Variants in STK3 observed in about 807,000 individuals in gnomAD.
The protein encoded by STK3 is serine/threonine kinase 3.
Under a neutral mutation model 58.0 loss-of-function variants are expected in STK3, and 41 were observed. The ratio of observed to expected loss-of-function variants is 0.71; its 90% CI spans 0.55 to 0.92. The LOEUF (loss-of-function observed/expected upper bound fraction) is 0.92, where lower values mean the gene tolerates loss of function less well. Among genes scored for constraint, STK3 ranks in the 40% least tolerant of loss-of-function variants. The pLI is 0.00. For synonymous variants in STK3, 170 were observed against 191.0 expected, an observed-to-expected ratio of 0.89 and a Z score of 0.91; for missense variants, 479 against 602.7, an observed-to-expected ratio of 0.79 and a Z score of 2.15.
At chr8:98,633,513 CT>C in intron 6 of STK3, 1 of 682,020 alleles carries the variant, frequency 1.5e-6, no homozygotes, top group East Asian at 2.7e-5. Context: ...GCTTTGCCAG[CT>C]CAGGACTGAG....
chr8:98,431,864 T>C (rs1476653092), intron 3 of STK3: 2 of 167,092 alleles, frequency 1.2e-5, no homozygotes, highest in Non-Finnish European at 2.9e-5. Flanking sequence ...TATATACTTA[T>C]ATAAAATATT....
At chr8:98,885,436 G>A (rs1374253385) in intron 1 of STK3, among the ~76,000 whole-genome samples, 2 of 132,160 alleles carry the variant, frequency 1.5e-5, no homozygotes, top group African/African-American at 5.2e-5. Context: ...TTTTTGTTTT[G>A]TTTTGTGTTT....
intron 1 of STK3, among the ~76,000 whole-genome samples, chr8:98,449,344 G>C (rs1819093931): frequency 6.6e-6 from 1 of 152,176 alleles, no homozygotes; most frequent in African/African-American, 2.4e-5. Flanking sequence ...CCTCCAGATA[G>C]TTCCTTTAAA....
chr8:98,432,489 G>A (rs1818350897), intron 3 of STK3: 1 of 167,086 alleles, frequency 6.0e-6, no homozygotes, highest in African/African-American at 2.4e-5. Context: ...ACATTTCTCG[G>A]GTTTGTGAGT....
intron 6 of STK3, among the ~76,000 whole-genome samples, chr8:98,704,329 A>G (rs1825815119): frequency 6.6e-6 from 1 of 152,222 alleles, no homozygotes; most frequent in African/African-American, 2.4e-5. Flanking sequence ...AAGACAGCTC[A>G]CAAACACAAG....
At chr8:98,712,324 A>G (rs957100540) in intron 4 of STK3, among the ~76,000 whole-genome samples, 1 of 152,234 alleles carries the variant, frequency 6.6e-6, no homozygotes, top group Non-Finnish European at 1.5e-5. Context: ...TCCAATTAAA[A>G]GACACAGACT....
At chr8:98,374,774 T>G (rs1275067205) in intron 2 of STK3, among the ~76,000 whole-genome samples, 1 of 152,070 alleles carries the variant, frequency 6.6e-6, no homozygotes, top group Non-Finnish European at 1.5e-5. Context: ...CTACATTTCA[T>G]GAGAATGCAG....
intron 1 of STK3, among the ~76,000 whole-genome samples, chr8:98,444,535 G>A (rs192222953): frequency 3.9e-5 from 6 of 152,306 alleles, no homozygotes; most frequent in Middle Eastern, 3.4e-3. Flanking sequence ...GTAGAATAGA[G>A]GACACAGATT....
At chr8:98,353,207 C>G in the STK3 span, among the ~76,000 whole-genome samples, 1 of 152,134 alleles carries the variant, frequency 6.6e-6, no homozygotes, top group East Asian at 1.9e-4. Context: ...GGTGTGGTGG[C>G]TCATGCCTGT....
intron 4 of STK3, among the ~76,000 whole-genome samples, chr8:98,741,664 C>T (rs1429768562): frequency 1.3e-5 from 2 of 151,866 alleles, no homozygotes; most frequent in Admixed American, 6.6e-5. Context: ...AAATTGACAC[C>T]CTAACATCAC....
chr8:98,470,207 A>C (rs959883764), intron 10 of STK3, among the ~76,000 whole-genome samples: 1 of 152,232 alleles, frequency 6.6e-6, no homozygotes, highest in African/African-American at 2.4e-5. Context: ...AAAACACTGC[A>C]AGCTGGTCCA....
rs182012952 is a variant in STK3, at chr8:98,562,723, T to A, written c.949-14562A>T. On this transcript the variant is annotated intron_variant, in intron 8 of 10. Transcript: ENST00000419617. ...CCTGAGCAATATAGTAAGACTCCCA[T>A]CTCCACAAAAAATGAAAAAAAAAAA... Among the ~76,000 whole-genome samples the A allele has an allele frequency of 7.3e-3, 739 of 101,110 alleles. 5 individuals are homozygous for A. Among genetic ancestry groups the A allele is most frequent in the African/African-American group, 0.027 (700 of 25,506 alleles). The allele number at this position is 101,110 out of a possible 152,430, so 66.3% of individuals were successfully genotyped here.
intron 6 of STK3, among the ~76,000 whole-genome samples, chr8:98,672,579 A>T (rs1648871076): frequency 6.6e-6 from 1 of 151,672 alleles, no homozygotes; most frequent in Non-Finnish European, 1.5e-5. Flanking sequence ...TTTAGAAAAG[A>T]AAGAGGTTTG....
intron 6 of STK3, among the ~76,000 whole-genome samples, chr8:98,650,677 A>G (rs147731151): frequency 0.019 from 2,858 of 152,340 alleles, 108 homozygotes; most frequent in African/African-American, 0.064. Context: ...ACAGCGCACC[A>G]GGAGATTATA....
chr8:98,570,347 C>G, intron 8 of STK3, among the ~76,000 whole-genome samples: 1 of 151,264 alleles, frequency 6.6e-6, no homozygotes. Flanking sequence ...CACTATGTTG[C>G]CCAGGCTGGT....
chr8:98,762,126 T>G (rs914178074), intron 3 of STK3, among the ~76,000 whole-genome samples: 1 of 152,176 alleles, frequency 6.6e-6, no homozygotes. Context: ...ACCCACATAC[T>G]TCCCCATATC....
intron 3 of STK3, among the ~76,000 whole-genome samples, chr8:98,844,270 T>C (rs1179202731): frequency 6.6e-6 from 1 of 152,212 alleles, no homozygotes; most frequent in East Asian, 1.9e-4. Flanking sequence ...GAGACCAAAC[T>C]CCTTCCCATT....
intron 3 of STK3, among the ~76,000 whole-genome samples, chr8:98,407,741 TGTGTGTGTGTGTGTGTGC>T (rs927702049): frequency 4.0e-5 from 6 of 149,374 alleles, no homozygotes; most frequent in Admixed American, 2.0e-4. Flanking sequence ...TGTGTGTGTG[TGTGTGTGTGTGTGTGTGC>T]GCGCGCGCGC....
chr8:98,846,934 T>C (rs914542115), intron 3 of STK3, among the ~76,000 whole-genome samples: 1 of 152,054 alleles, frequency 6.6e-6, no homozygotes, highest in Non-Finnish European at 1.5e-5. Context: ...TGCAAATTTT[T>C]CTTCCACAAA....
Sources: gnomAD v4.1 joint callset for allele counts (sites outside exome capture counted in the v4.1 genomes callset) on GRCh38, gnomAD v4.1.1 for gene constraint, MANE v1.5 for transcripts, NCBI Gene and HGNC (gene_info 2026-07-23, HGNC 2026-07-21) for gene names.